The following UHRF1 variants were observed in gnomAD, a reference collection of about 807,000 sequenced individuals.
The protein encoded by UHRF1 is E3 ubiquitin-protein ligase UHRF1.
A neutral mutation model predicts 96.5 loss-of-function variants in UHRF1; 9 were observed. The ratio of observed to expected loss-of-function variants is 0.09; its 90% CI spans 0.06 to 0.16. The LOEUF (loss-of-function observed/expected upper bound fraction) is 0.16. UHRF1 is among the 10% of genes least tolerant of loss of function. UHRF1 has a pLI of 1.00. For synonymous variants in UHRF1, 455 were observed against 469.9 expected, an observed-to-expected ratio of 0.97 and a Z score of 0.41; for missense variants, 626 against 1,131.1, an observed-to-expected ratio of 0.55 and a Z score of 6.40.
chr19:4,954,595 C>G lies in UHRF1; in HGVS notation c.1958-55C>G. 1.9e-6 allele frequency: 3 copies of G among 1,595,468 alleles called. No homozygotes were observed. The highest frequency in any genetic ancestry group is 2.6e-6 in the Non-Finnish European group (3 of 1,170,580). ...TGTGGACGTGGGAGCCGGTGGCTGT[C>G]TCTCCGGCAGCTCGGGCCACGCGCC... On this transcript the variant is annotated intron_variant, in intron 14 of 16. Coordinates refer to ENST00000650932, the MANE Select transcript of UHRF1 (RefSeq NM_001048201.3). The surrounding 1 kb of genome is among the most constrained non-coding windows in gnomAD (Gnocchi z 5.9).
chr19:4,949,289 A>G (rs769913553), intron 11 of UHRF1, among the ~76,000 whole-genome samples: 8 of 152,224 alleles, frequency 5.3e-5, no homozygotes, highest in Non-Finnish European at 1.0e-4. Flanking sequence ...CACTGTTGGT[A>G]GAAATACAAA....
chr19:4,909,537 G>A lies in UHRF1; in HGVS notation c.-129G>A, dbSNP rs1378217678. ...CAGCGCGGCGGGCAGCGTTTGCCGA[G>A]CGGGCGCTCCGGGTCGCACGCAAGT... On this transcript the variant is annotated 5_prime_UTR_variant, in exon 1 of 17. Coordinates refer to ENST00000650932, the MANE Select transcript of UHRF1 (RefSeq NM_001048201.3). 2 of 659,996 alleles carry A rather than the reference G, an allele frequency of 3.0e-6. No homozygotes were observed. Among genetic ancestry groups the A allele is most frequent in the Non-Finnish European group, 5.5e-6 (2 of 366,346 alleles). 40.9% of individuals were successfully genotyped at this position (659,996 alleles called of 1,614,324 possible). A position where few individuals can be genotyped will look rare whatever the true frequency, so the allele number is the denominator to read the frequency against.
intron 2 of UHRF1, among the ~76,000 whole-genome samples, chr19:4,924,866 G>A (rs925334992): frequency 6.9e-6 from 1 of 144,822 alleles, no homozygotes; most frequent in African/African-American, 2.6e-5. Context: ...CTCACTTGTC[G>A]CCCAGGCTGG....
At chr19:4,939,121 T>A (rs2033308060) in intron 5 of UHRF1, among the ~76,000 whole-genome samples, 1 of 151,526 alleles carries the variant, frequency 6.6e-6, no homozygotes, top group South Asian at 2.1e-4. Context: ...TTTCACCATG[T>A]TGGCCAGGCT....
Position 4,909,542 on chromosome 19 carries a change from C to G in UHRF1, c.-124C>G. 1.5e-6 allele frequency: 1 copy of G among 658,520 alleles called. No homozygotes were observed. The highest frequency in any genetic ancestry group is 2.7e-6 in the Non-Finnish European group (1 of 365,668). The allele number at this position is 658,520 out of a possible 1,614,324, so 40.8% of individuals were successfully genotyped here. The stretch of plus-strand genomic sequence containing the variant: ...CGGCGGGCAGCGTTTGCCGAGCGGG[C>G]GCTCCGGGTCGCACGCAAGTCCGCG... On this transcript the variant is annotated 5_prime_UTR_variant, in exon 1 of 17. Coordinates refer to ENST00000650932, the MANE Select transcript of UHRF1 (RefSeq NM_001048201.3).
At chr19:4,909,395 G>T, upstream of UHRF1, 1 of 636,446 alleles carries the variant, frequency 1.6e-6, no homozygotes, top group Non-Finnish European at 2.8e-6. Context: ...CCTCTTTCTC[G>T]CTTCCCGCCA....
At chr19:4,920,012 T>G (rs1321052492) in intron 2 of UHRF1, among the ~76,000 whole-genome samples, 1 of 151,964 alleles carries the variant, frequency 6.6e-6, no homozygotes, top group Non-Finnish European at 1.5e-5. Flanking sequence ...AGACGGAGTT[T>G]CTCCATGTTG....
chr19:4,929,195 C>T (rs553579201), intron 2 of UHRF1, 27 bp from the exon 3 acceptor site: 86 of 1,595,006 alleles, frequency 5.4e-5, no homozygotes, highest in Admixed American at 2.7e-4. Flanking sequence ...GGTGGCTAAA[C>T]AGCGTCTGCC....
intron 1 of UHRF1, 81 bp from the exon 2 acceptor site, chr19:4,910,795 G>C: frequency 6.8e-7 from 1 of 1,469,634 alleles, no homozygotes; most frequent in Non-Finnish European, 9.1e-7. Context: ...CCGGACAAAA[G>C]CAACCCCGAC....
intron 13 of UHRF1, among the ~76,000 whole-genome samples, 164 bp downstream of exon 13, chr19:4,951,160 G>A (rs2033708268): frequency 6.6e-6 from 1 of 152,178 alleles, no homozygotes; most frequent in African/African-American, 2.4e-5. Flanking sequence ...CAGCTACTGA[G>A]GTGGCTGAGG....
At chr19:4,913,891 AACCTCC>A (rs1245527943) in intron 2 of UHRF1, among the ~76,000 whole-genome samples, 2 of 139,248 alleles carry the variant, frequency 1.4e-5, no homozygotes, top group Non-Finnish European at 3.0e-5. Context: ...GGCTTACCTC[AACCTCC>A]ACCTCCTGGG....
chr19:4,936,755 C>T (rs1010698312), intron 5 of UHRF1, among the ~76,000 whole-genome samples: 4 of 147,552 alleles, frequency 2.7e-5, no homozygotes, highest in African/African-American at 5.1e-5. Flanking sequence ...TGCAGTGAGC[C>T]GTGATCACAC....
intron 2 of UHRF1, among the ~76,000 whole-genome samples, chr19:4,921,650 G>C (rs1284504563): frequency 6.6e-6 from 1 of 152,078 alleles, no homozygotes; most frequent in African/African-American, 2.4e-5. Flanking sequence ...CAGTTACTTG[G>C]AGGGGCCGAG....
intron 9 of UHRF1, 45 bp from the exon 10 acceptor site, chr19:4,945,816 C>G (rs2033546785): frequency 6.7e-7 from 1 of 1,495,856 alleles, no homozygotes; most frequent in East Asian, 2.4e-5. Context: ...TTCTCTGCAG[C>G]AGTCATTGCA....
intron 16 of UHRF1, 24 bp from the exon 17 acceptor site, chr19:4,960,633 T>C (rs1053862264): frequency 6.2e-7 from 1 of 1,610,194 alleles, no homozygotes. Flanking sequence ...ATGGCACTTC[T>C]CACGCGCCTG....
At chr19:4,919,577 C>T (rs955894571) in intron 2 of UHRF1, among the ~76,000 whole-genome samples, 3 of 152,120 alleles carry the variant, frequency 2.0e-5, no homozygotes, top group African/African-American at 7.2e-5. Flanking sequence ...GCTGGGATTA[C>T]AGGTGTGAGC....
chr19:4,945,607 G>T (rs1409376211), intron 9 of UHRF1, among the ~76,000 whole-genome samples: 2 of 151,648 alleles, frequency 1.3e-5, no homozygotes, highest in East Asian at 3.9e-4. Context: ...GAGATCAGCA[G>T]TGAGGATGCC....
At chr19:4,933,968 TGTGC>T (rs747218446) in intron 5 of UHRF1, among the ~76,000 whole-genome samples, 13,063 of 73,840 alleles carry the variant, frequency 0.18, 717 homozygotes, top group Non-Finnish European at 0.2. Context: ...TGTGTGTGTG[TGTGC>T]GTGTGTGTGT....
At chr19:4,909,358 G>C (rs1306858548), upstream of UHRF1, 1 of 607,608 alleles carries the variant, frequency 1.6e-6, no homozygotes, top group Non-Finnish European at 2.9e-6. Flanking sequence ...CGGAGGCGCC[G>C]TGGACAGAGG....
Sources: gnomAD v4.1 joint callset for allele counts (sites outside exome capture counted in the v4.1 genomes callset) on GRCh38, gnomAD v4.1.1 for gene constraint, Gnocchi (gnomAD v3.1) non-coding constraint, MANE v1.5 for transcripts, NCBI Gene and HGNC (gene_info 2026-07-23, HGNC 2026-07-21) for gene names.